Variants in LOC128125822 observed in about 807,000 individuals in gnomAD.
the LOC128125822 span, among the ~76,000 whole-genome samples, chr6:63,574,700 C>T: frequency 2.6e-5 from 4 of 151,904 alleles, no homozygotes; most frequent in East Asian, 1.9e-4. Flanking sequence ...AAAGGTAATA[C>T]CTAGAAATTA....
the LOC128125822 span, chr6:63,580,481 C>T: frequency 4.4e-6 from 1 of 227,350 alleles, no homozygotes; most frequent in African/African-American, 2.3e-5. Context: ...ATTCCCATGC[C>T]AGAATCTTAT....
At chr6:63,578,619 A>T in the LOC128125822 span, 1 of 1,464,862 alleles carries the variant, frequency 6.8e-7, no homozygotes, top group Non-Finnish European at 9.1e-7. Context: ...TATTTAAGTC[A>T]TAAATAGACC....
the LOC128125822 span, chr6:63,579,362 T>A: frequency 6.7e-7 from 1 of 1,502,798 alleles, no homozygotes; most frequent in South Asian, 1.2e-5. Flanking sequence ...TCATTTGTAC[T>A]CTCTTTCATT....
At chr6:63,579,130 T>G in the LOC128125822 span, 8 of 1,377,666 alleles carry the variant, frequency 5.8e-6, no homozygotes, top group Non-Finnish European at 7.7e-6. Context: ...AGTCAACATT[T>G]GTCATAGGTA....
the LOC128125822 span, chr6:63,579,103 A>G: frequency 7.0e-7 from 1 of 1,419,782 alleles, no homozygotes; most frequent in Non-Finnish European, 9.3e-7. Flanking sequence ...AAAAATTCTT[A>G]TAATTTTTTA....
the LOC128125822 span, chr6:63,576,905 C>T: frequency 6.2e-7 from 1 of 1,613,642 alleles, no homozygotes; most frequent in Non-Finnish European, 8.5e-7. Context: ...CCGCCCAGCT[C>T]CTGTGGAAGT....
chr6:63,578,005 T>A, the LOC128125822 span, among the ~76,000 whole-genome samples: 2 of 151,912 alleles, frequency 1.3e-5, no homozygotes, highest in Non-Finnish European at 2.9e-5. Flanking sequence ...ATCAGTAAAG[T>A]TTAAGGAGTG....
chr6:63,579,584 T>C, the LOC128125822 span, among the ~76,000 whole-genome samples: 3 of 152,266 alleles, frequency 2.0e-5, no homozygotes, highest in Admixed American at 1.3e-4. Context: ...GGTTATTTTG[T>C]ATTTTTATTG....
At chr6:63,581,695 T>C in the LOC128125822 span, 2 of 152,154 alleles carry the variant, frequency 1.3e-5, no homozygotes, top group Non-Finnish European at 2.9e-5. Flanking sequence ...TATTATTGTG[T>C]ACTGAGGAGA....
the LOC128125822 span, among the ~76,000 whole-genome samples, chr6:63,578,122 C>T: frequency 6.6e-6 from 1 of 152,076 alleles, no homozygotes; most frequent in South Asian, 2.1e-4. Context: ...AATGTTTCAT[C>T]CCAATCCGGT....
At chr6:63,574,601 A>G in the LOC128125822 span, among the ~76,000 whole-genome samples, 2 of 152,242 alleles carry the variant, frequency 1.3e-5, no homozygotes, top group Non-Finnish European at 2.9e-5. Context: ...GGATATGGCC[A>G]GACTAGGTTG....
chr6:63,576,413 TTCTG>T, the LOC128125822 span: 2 of 399,774 alleles, frequency 5.0e-6, no homozygotes, highest in East Asian at 3.6e-5. Context: ...TATTCTCTCT[TTCTG>T]TCTTTTTCTT....
At chr6:63,581,804 T>C in the LOC128125822 span, 1 of 152,186 alleles carries the variant, frequency 6.6e-6, no homozygotes, top group East Asian at 1.9e-4. Flanking sequence ...CCTTTGCAAA[T>C]TAATAATTAC....
the LOC128125822 span, chr6:63,578,592 A>G: frequency 6.5e-7 from 1 of 1,542,590 alleles, no homozygotes; most frequent in Non-Finnish European, 8.7e-7. Flanking sequence ...TTCAAATAGT[A>G]AATTCAAATA....
chr6:63,580,138 T>G, the LOC128125822 span: 1 of 1,613,486 alleles, frequency 6.2e-7, no homozygotes, highest in Non-Finnish European at 8.5e-7. Flanking sequence ...GTTTCAAAGA[T>G]TCCAACGGTC....
At chr6:63,572,587 A>G in the LOC128125822 span, 29 of 415,788 alleles carry the variant, frequency 7.0e-5, no homozygotes, top group Middle Eastern at 6.1e-4. Context: ...CGCCGCCTGC[A>G]TCGCCGCCAC....
the LOC128125822 span, chr6:63,578,426 G>T: frequency 3.1e-6 from 5 of 1,597,222 alleles, no homozygotes; most frequent in South Asian, 5.6e-5. Flanking sequence ...TTTAATGTAC[G>T]TTTTATCCAG....
chr6:63,574,552 T>C, the LOC128125822 span, among the ~76,000 whole-genome samples: 1,888 of 152,306 alleles, frequency 0.012, 23 homozygotes, highest in African/African-American at 0.018. Flanking sequence ...AATATAGTTC[T>C]TTCTCTGCTT....
chr6:63,582,715 A>G, the LOC128125822 span: 8 of 152,232 alleles, frequency 5.3e-5, no homozygotes, highest in African/African-American at 1.9e-4. Context: ...CGGTTACTGA[A>G]TCATAAGAAA....
Sources: gnomAD v4.1 joint callset for allele counts (sites outside exome capture counted in the v4.1 genomes callset) on GRCh38, gnomAD v4.1.1 for gene constraint, MANE v1.5 for transcripts.